Variants in HPS3 observed in about 807,000 individuals in gnomAD.
The protein encoded by HPS3 is HPS3 biogenesis of lysosomal organelles complex 2 subunit 1.
In HPS3, 79 loss-of-function variants were observed where a neutral mutation model predicts 110.9. That is an observed-to-expected ratio of 0.71 (90% CI 0.59 to 0.86). The LOEUF is 0.86. Ranked by LOEUF, HPS3 falls within the 40% of genes least tolerant of loss-of-function variation. The probability of loss-of-function intolerance (pLI) is 0.00; values close to 1 mark genes in which losing one functional copy is unlikely to be tolerated. For synonymous variants in HPS3, 428 were observed against 451.0 expected, an observed-to-expected ratio of 0.95 and a Z score of 0.65; for missense variants, 1,197 against 1,206.2, an observed-to-expected ratio of 0.99 and a Z score of 0.11.
rs114781297 is a variant in HPS3, at chr3:149,163,813, T to G, written c.2482-29T>G. On this transcript the variant is annotated intron_variant, in intron 13 of 16. Transcript: ENST00000296051. ...TAAGCAAGCTTTTGTTGTTATATTTTGTTTATGAGAAATTCTTTTATGTTT... is the reference window on the plus strand; with the variant it reads ...TAAGCAAGCTTTTGTTGTTATATTTGGTTTATGAGAAATTCTTTTATGTTT... 4,842 of 1,198,140 alleles carry G rather than the reference T, an allele frequency of 4.0e-3. 138 individuals are homozygous for G. In the African/African-American group the frequency reaches 0.064, roughly 16 times the overall value. 74.2% of individuals were successfully genotyped at this position (1,198,140 alleles called of 1,614,324 possible).
intron 1 of HPS3, among the ~76,000 whole-genome samples, chr3:149,130,872 T>C (rs1721719960): frequency 6.6e-6 from 1 of 152,144 alleles, no homozygotes; most frequent in Admixed American, 6.5e-5. Flanking sequence ...TTTAGAAAAA[T>C]CCAACATTTA....
rs377377631 is a variant in HPS3, at chr3:149,169,226, C to T, written c.2887+1243C>T. Among the ~76,000 whole-genome samples the T allele has an allele frequency of 5.3e-5, 8 of 152,258 alleles. No individual in the cohort carries two copies. In the East Asian group the frequency reaches 1.2e-3, roughly 22 times the overall value. Reference sequence around the variant, plus strand: ...ACTGTTCATTGATTAGAAAGGGAGACAGCTGAAGAACTTTAGGTTCGTTTC... The same window carrying T: ...ACTGTTCATTGATTAGAAAGGGAGATAGCTGAAGAACTTTAGGTTCGTTTC... On this transcript the variant is annotated intron_variant, in intron 16 of 16. Coordinates refer to ENST00000296051, the MANE Select transcript of HPS3 (RefSeq NM_032383.5).
At chr3:149,167,664 A>G (rs910471154) in intron 15 of HPS3, among the ~76,000 whole-genome samples, 3 of 152,132 alleles carry the variant, frequency 2.0e-5, no homozygotes, top group Non-Finnish European at 4.4e-5. Flanking sequence ...CCATGTACAT[A>G]TGTACAATAT....
At chr3:149,149,408 C>T (rs142281912) in intron 5 of HPS3, among the ~76,000 whole-genome samples, 12 of 152,226 alleles carry the variant, frequency 7.9e-5, no homozygotes, top group African/African-American at 2.9e-4. Flanking sequence ...AACTCTACTC[C>T]AGATTTGTAA....
Position 149,163,835 on chromosome 3 carries a change from GT to G in HPS3, c.2482-3del. The G allele has an allele frequency of 7.0e-7, 1 of 1,431,540 alleles. No individual in the cohort carries two copies. 88.7% of individuals were successfully genotyped at this position (1,431,540 alleles called of 1,614,324 possible). A position where few individuals can be genotyped will look rare whatever the true frequency, so the allele number is the denominator to read the frequency against. The stretch of plus-strand genomic sequence containing the variant: ...TTTTGTTTATGAGAAATTCTTTTAT[GT>G]TTTAGATAAATGCCTGTAGTCATTA... On this transcript the variant is annotated splice_region_variant and splice_polypyrimidine_tract_variant and intron_variant, in intron 13 of 16. Transcript: ENST00000296051.
intron 14 of HPS3, 65 bp downstream of exon 14, chr3:149,164,014 G>T (rs1310183501): frequency 2.4e-6 from 2 of 840,138 alleles, no homozygotes; most frequent in East Asian, 2.6e-5. Context: ...GATTAAATTT[G>T]CTGAGACCCC....
At chr3:149,146,713 T>C (rs1247629876) in intron 5 of HPS3, among the ~76,000 whole-genome samples, 1 of 152,222 alleles carries the variant, frequency 6.6e-6, no homozygotes, top group Non-Finnish European at 1.5e-5. Flanking sequence ...GAAATGCTGC[T>C]GATGGCAGTG....
chr3:149,162,169 A>G lies in HPS3; in HGVS notation c.2128A>G (p.Ile710Val). The change falls in exon 12 of 17, where the codon ATT (isoleucine) becomes GTT (valine). Residue 710 changes from isoleucine to valine, a missense_variant. By Grantham distance (29) the Ile-to-Val change is conservative. Transcript: ENST00000296051. ...GAAGATGAAGTTGGTATGTGGCTTC[A>G]TTCTGGAACCTCGGCTGTTGATTCA... ...HSEMKLVCGF[I>V]LEPRLLIQQR... 6.2e-7 allele frequency: 1 copy of G among 1,614,018 alleles called. No homozygotes were observed. The highest frequency in any genetic ancestry group is 1.3e-5 in the African/African-American group (1 of 75,062).
Position 149,167,646 on chromosome 3 carries a change from G to T in HPS3, c.2797-247G>T, listed in dbSNP as rs555155767. Among the ~76,000 whole-genome samples, 834 of 152,112 alleles carry T rather than the reference G, an allele frequency of 5.5e-3. 7 individuals are homozygous for T. Among genetic ancestry groups the T allele is most frequent in the Non-Finnish European group, 7.7e-3 (525 of 67,992 alleles). ...TAACGGGATATGTCTGTTACTTCTTGAAAATAGCCATGTACATATGTACAA... is the reference window on the plus strand; with the variant it reads ...TAACGGGATATGTCTGTTACTTCTTTAAAATAGCCATGTACATATGTACAA... On this transcript the variant is annotated intron_variant, in intron 15 of 16. Transcript: ENST00000296051.
chr3:149,149,329 C>T (rs1335623597), intron 5 of HPS3, among the ~76,000 whole-genome samples: 1 of 152,124 alleles, frequency 6.6e-6, no homozygotes, highest in Non-Finnish European at 1.5e-5. Context: ...CTATTCTCAT[C>T]TGTCCTTCCG....
intron 5 of HPS3, among the ~76,000 whole-genome samples, chr3:149,147,654 T>C (rs1474147498): frequency 6.6e-6 from 1 of 152,216 alleles, no homozygotes; most frequent in Admixed American, 6.5e-5. Context: ...TTATAAGTTA[T>C]GTACATATTT....
chr3:149,157,896 C>T (rs75466649), intron 9 of HPS3, among the ~76,000 whole-genome samples: 1,976 of 152,196 alleles, frequency 0.013, 22 homozygotes, highest in Middle Eastern at 0.044. Context: ...CATATTAAAC[C>T]CTAAAAGTAA....
At chr3:149,140,625 T>C in intron 2 of HPS3, 127 bp downstream of exon 2, 1 of 1,037,862 alleles carries the variant, frequency 9.6e-7, no homozygotes, top group Non-Finnish European at 1.4e-6. Context: ...TATTCCTATT[T>C]CATGGGATTT....
At chr3:149,143,270 C>T (rs569453980) in intron 4 of HPS3, among the ~76,000 whole-genome samples, 27 of 152,298 alleles carry the variant, frequency 1.8e-4, no homozygotes, top group African/African-American at 5.5e-4. Context: ...TCCTTAGAGA[C>T]GCCACAGGCA....
chr3:149,146,486 A>G (rs1381817359), intron 5 of HPS3, among the ~76,000 whole-genome samples: 1 of 152,254 alleles, frequency 6.6e-6, no homozygotes, highest in Non-Finnish European at 1.5e-5. Flanking sequence ...GATGTGCATT[A>G]TAGATTGAAG....
chr3:149,129,900 C>T lies in HPS3; in HGVS notation c.177C>T (p.Ser59=), dbSNP rs1349210537. The T allele has an allele frequency of 1.3e-6, 2 of 1,577,168 alleles. No individual in the cohort carries two copies. The highest frequency in any genetic ancestry group is 2.3e-5 in the South Asian group (2 of 88,090). The change falls in exon 1 of 17, where the codon TCC becomes TCT. Residue 59 remains serine, a synonymous_variant. Transcript: ENST00000296051. ...QELCQPRCAF[S]TLGRVLRLAY... is the part of the protein sequence containing the mutation. ...TGTGCCAGCCGCGGTGCGCCTTCTCCACGCTGGGCCGGGTGTTGCGCCTGG... is the reference window on the plus strand; with the variant it reads ...TGTGCCAGCCGCGGTGCGCCTTCTCTACGCTGGGCCGGGTGTTGCGCCTGG...
chr3:149,130,109 A>G lies in HPS3; in HGVS notation c.217+169A>G, dbSNP rs371804558. 46 of 645,840 alleles carry G rather than the reference A, an allele frequency of 7.1e-5. 1 individual carries two copies. The African/African-American group carries it at 7.8e-4, about 11-fold the overall frequency. 40.0% of individuals were successfully genotyped at this position (645,840 alleles called of 1,614,324 possible). ...CCGCTGATTGCTTGAAGTCGCATTG[A>G]GCTATGCGGTTGTCGCGGCAAGCAT... On this transcript the variant is annotated intron_variant, in intron 1 of 16. Coordinates refer to ENST00000296051, the MANE Select transcript of HPS3 (RefSeq NM_032383.5).
chr3:149,136,169 T>C (rs1722078688), intron 1 of HPS3, among the ~76,000 whole-genome samples: 1 of 149,166 alleles, frequency 6.7e-6, no homozygotes, highest in Non-Finnish European at 1.5e-5. Context: ...TGTGTGTGTA[T>C]ATATATACAC....
intron 1 of HPS3, among the ~76,000 whole-genome samples, chr3:149,135,406 T>TC (rs992785815): frequency 3.3e-5 from 5 of 152,062 alleles, no homozygotes; most frequent in South Asian, 2.1e-4. Flanking sequence ...GGGGACAGTT[T>TC]CCCCCATGCT....
Sources: gnomAD v4.1 joint callset for allele counts (sites outside exome capture counted in the v4.1 genomes callset) on GRCh38, gnomAD v4.1.1 for gene constraint, MANE v1.5 for transcripts, NCBI Gene and HGNC (gene_info 2026-07-23, HGNC 2026-07-21) for gene names.